Variants in MYO16 observed in about 807,000 individuals in gnomAD.
MYO16 encodes unconventional myosin-XVI.
In MYO16, 94 loss-of-function variants were observed where a neutral mutation model predicts 205.3. That is an observed-to-expected ratio of 0.46 (90% CI 0.39 to 0.54). MYO16 has a LOEUF of 0.54. Among genes scored for constraint, MYO16 ranks in the 20% least tolerant of loss-of-function variants. The probability of loss-of-function intolerance (pLI) is 0.00; values close to 1 mark genes in which losing one functional copy is unlikely to be tolerated. For missense variants in MYO16, 2,315 were observed against 2,387.5 expected, an observed-to-expected ratio of 0.97 and a Z score of 0.63; for synonymous variants, 988 against 954.0, an observed-to-expected ratio of 1.04 and a Z score of -0.66.
chr13:108,676,475 T>C (rs1882217228), intron 2 of MYO16, among the ~76,000 whole-genome samples: 1 of 151,998 alleles, frequency 6.6e-6, no homozygotes, highest in Non-Finnish European at 1.5e-5. Context: ...TATGAGGTAC[T>C]GTACTGGGTT....
chr13:109,109,221 G>A (rs1448508828), intron 28 of MYO16, among the ~76,000 whole-genome samples: 4 of 151,998 alleles, frequency 2.6e-5, no homozygotes, highest in Non-Finnish European at 4.4e-5. Context: ...TTAGTCATTC[G>A]ATAAGCATTT....
At chr13:108,606,792 G>T (rs1489248287) in intron 1 of MYO16, among the ~76,000 whole-genome samples, 1 of 152,126 alleles carries the variant, frequency 6.6e-6, no homozygotes, top group African/African-American at 2.4e-5. Flanking sequence ...CTTGCACTGT[G>T]CACCTGAAAA....
chr13:108,961,653 C>A lies in MYO16; in HGVS notation c.2152C>A (p.Gln718Lys), dbSNP rs182541485. 37 of 1,609,382 alleles carry A rather than the reference C, an allele frequency of 2.3e-5. No homozygotes were observed. The African/African-American group carries it at 4.3e-4, about 19-fold the overall frequency. Residue 718 changes from glutamine (Q) to lysine (K), a missense_variant, in exon 18 of 35, where the codon CAA becomes AAA. Gln to Lys is a moderately conservative substitution (Grantham distance 53). Transcript: ENST00000457511. Reference protein sequence around the residue: ...AFVSDLQLLEQVAGMLQVSTD... With the variant: ...AFVSDLQLLEKVAGMLQVSTD... ...CGTTTCTGACCTCCAGCTCCTGGAA[C>A]AAGGTCAGTGGAACATGACCTTCTG...
At chr13:108,857,725 G>A (rs1037194141) in intron 11 of MYO16, among the ~76,000 whole-genome samples, 5 of 152,180 alleles carry the variant, frequency 3.3e-5, no homozygotes, top group African/African-American at 4.8e-5. Context: ...AATGGAGTTC[G>A]TTATGTGAGT....
chr13:108,540,548 T>C, the MYO16 span, among the ~76,000 whole-genome samples: 1 of 152,168 alleles, frequency 6.6e-6, no homozygotes, highest in African/African-American at 2.4e-5. Flanking sequence ...TTAGAACTTG[T>C]GTGATTATAC....
At chr13:109,007,876 T>G (rs1021393877) in intron 21 of MYO16, among the ~76,000 whole-genome samples, 3 of 152,316 alleles carry the variant, frequency 2.0e-5, no homozygotes, top group Admixed American at 2.0e-4. Context: ...ACATTCATTC[T>G]TGCCCATCAC....
chr13:108,691,783 G>A (rs1387934798), intron 2 of MYO16, among the ~76,000 whole-genome samples: 1 of 152,144 alleles, frequency 6.6e-6, no homozygotes, highest in Admixed American at 6.5e-5. Context: ...CAATTCTTTT[G>A]GGTTTAAAGC....
rs1299794645 is a variant in MYO16, at chr13:109,127,383, G to T, written c.3884G>T (p.Trp1295Leu). 1.2e-6 allele frequency: 2 copies of T among 1,613,754 alleles called. No individual in the cohort carries two copies. The highest frequency in any genetic ancestry group is 1.7e-6 in the Non-Finnish European group (2 of 1,179,948). Residue 1295 changes from tryptophan (W) to leucine (L), a missense_variant, in exon 31 of 35, where the codon TGG (tryptophan) becomes TTG (leucine). Trp to Leu is a moderately conservative substitution (Grantham distance 61). This residue lies in a region of MYO16 where 1,097 missense variants were observed against 1,092.0 expected (regional missense o/e 1.00). Coordinates refer to ENST00000457511, the MANE Select transcript of MYO16 (RefSeq NM_001198950.3). The surrounding 1 kb of genome is among the most constrained non-coding windows in gnomAD (Gnocchi z 4.2). The stretch of plus-strand genomic sequence containing the variant: ...CAGTGCCTCGTTGGCCCGTCCATCT[G>T]GTCTCCTTCGCTGCACTCGGTGTTC... ...LGQCLVGPSIWSPSLHSVFSM... is the reference protein window; with the variant it reads ...LGQCLVGPSILSPSLHSVFSM...
At chr13:108,921,540 A>G (rs987127269) in intron 16 of MYO16, among the ~76,000 whole-genome samples, 5 of 152,214 alleles carry the variant, frequency 3.3e-5, no homozygotes, top group Non-Finnish European at 7.3e-5. Context: ...TCTTTGTCCT[A>G]TTGATATAGG....
intron 34 of MYO16, among the ~76,000 whole-genome samples, chr13:109,201,125 G>A (rs935258162): frequency 3.7e-4 from 56 of 151,940 alleles, no homozygotes; most frequent in Admixed American, 1.2e-3. Flanking sequence ...CAGTTCTTGC[G>A]TTCTTTTAGA....
At chr13:109,142,781 G>C (rs1035464844) in intron 32 of MYO16, among the ~76,000 whole-genome samples, 1 of 152,126 alleles carries the variant, frequency 6.6e-6, no homozygotes, top group East Asian at 1.9e-4. Flanking sequence ...TGGCCAATGG[G>C]AAACCTCTAG....
At chr13:108,565,947 G>T in the MYO16 span, among the ~76,000 whole-genome samples, 1 of 150,722 alleles carries the variant, frequency 6.6e-6, no homozygotes, top group East Asian at 2.0e-4. Flanking sequence ...GCTTTGTTGA[G>T]GATTTTTGCA....
chr13:109,187,880 GTGTCCACATCCA>G (rs1398988461), intron 34 of MYO16, among the ~76,000 whole-genome samples: 1 of 152,132 alleles, frequency 6.6e-6, no homozygotes, highest in Admixed American at 6.5e-5. Context: ...TTGGTTACTT[GTGTCCACATCCA>G]TGTCTCTGCT....
At chr13:108,632,550 C>A (rs531021540) in intron 1 of MYO16, among the ~76,000 whole-genome samples, 1 of 152,030 alleles carries the variant, frequency 6.6e-6, no homozygotes, top group African/African-American at 2.4e-5. Flanking sequence ...GCTTCAAGGT[C>A]GAAACTTAAT....
intron 32 of MYO16, among the ~76,000 whole-genome samples, chr13:109,160,550 C>G (rs946775062): frequency 1.3e-5 from 2 of 152,102 alleles, no homozygotes; most frequent in African/African-American, 4.8e-5. Flanking sequence ...TGGACCCAAC[C>G]ACAGGATGCC....
Position 109,055,238 on chromosome 13 carries a change from A to G in MYO16, c.3129+112A>G, listed in dbSNP as rs918688468. 4.1e-5 allele frequency: 40 copies of G among 965,362 alleles called. No individual in the cohort carries two copies. The highest frequency in any genetic ancestry group is 6.5e-5 in the African/African-American group (3 of 45,904). The allele number at this position is 965,362 out of a possible 1,614,324, so 59.8% of individuals were successfully genotyped here. Reference sequence around the variant, plus strand: ...ACAACTTAAATATCTTCACAAAAAAAGTAAACATACACACACACACACACA... The same window carrying G: ...ACAACTTAAATATCTTCACAAAAAAGGTAAACATACACACACACACACACA... On this transcript the variant is annotated intron_variant, in intron 26 of 34. Coordinates refer to ENST00000457511, the MANE Select transcript of MYO16 (RefSeq NM_001198950.3). The surrounding 1 kb of genome is among the most constrained non-coding windows in gnomAD (Gnocchi z 5.0).
the MYO16 span, among the ~76,000 whole-genome samples, chr13:108,576,840 C>T: frequency 6.6e-6 from 1 of 152,078 alleles, no homozygotes; most frequent in South Asian, 2.1e-4. Flanking sequence ...CGGTTCACTG[C>T]AGCCCCAACT....
At chr13:109,154,555 C>G (rs1056758466) in intron 32 of MYO16, among the ~76,000 whole-genome samples, 42 of 152,024 alleles carry the variant, frequency 2.8e-4, no homozygotes, top group African/African-American at 1.0e-3. Flanking sequence ...TTAATTTTTG[C>G]TGTTTCTTTT....
intron 9 of MYO16, 98 bp downstream of exon 9, chr13:108,823,376 C>T: frequency 2.6e-6 from 3 of 1,144,892 alleles, no homozygotes; most frequent in Non-Finnish European, 3.6e-6. Flanking sequence ...AGAGTTAGAA[C>T]AATTAAAATG....
Sources: allele counts gnomAD v4.1 joint callset (sites outside exome capture counted in the v4.1 genomes callset), GRCh38; gene constraint gnomAD v4.1.1; regional missense constraint gnomAD v4.1.1; non-coding constraint Gnocchi (gnomAD v3.1); transcripts MANE v1.5; gene names NCBI Gene and HGNC (gene_info 2026-07-23, HGNC 2026-07-21).